Variants in AFG2A observed in about 807,000 individuals in gnomAD.
The protein encoded by AFG2A is ATPase family gene 2 protein homolog A.
the AFG2A span, among the ~76,000 whole-genome samples, chr4:123,282,995 CTG>C: frequency 8.9e-4 from 136 of 152,178 alleles, 1 homozygote; most frequent in Middle Eastern, 3.4e-3. Context: ...TTCACAAAAA[CTG>C]TGAATATAAG....
the AFG2A span, among the ~76,000 whole-genome samples, chr4:123,276,110 A>G: frequency 6.6e-6 from 1 of 152,210 alleles, no homozygotes; most frequent in Admixed American, 6.5e-5. Flanking sequence ...CCAGTAGTGT[A>G]TAATCATTCC....
At chr4:123,147,010 T>C in the AFG2A span, among the ~76,000 whole-genome samples, 12 of 152,216 alleles carry the variant, frequency 7.9e-5, no homozygotes, top group Non-Finnish European at 1.6e-4. Context: ...TTCCTTCCTT[T>C]ATACTGGAAA....
chr4:123,206,160 A>T, the AFG2A span, among the ~76,000 whole-genome samples: 1 of 152,028 alleles, frequency 6.6e-6, no homozygotes, highest in Non-Finnish European at 1.5e-5. Flanking sequence ...ACATGATCAG[A>T]CCTTTCTACC....
chr4:123,156,726 A>G, the AFG2A span, among the ~76,000 whole-genome samples: 53 of 150,948 alleles, frequency 3.5e-4, no homozygotes, highest in Admixed American at 3.4e-3. Context: ...TGCCCTCCAA[A>G]GGCTTTATGT....
chr4:122,923,119 C>T, the AFG2A span: 1 of 1,613,416 alleles, frequency 6.2e-7, no homozygotes, highest in South Asian at 1.1e-5. Context: ...TTTTCTACTG[C>T]TTCGGCTAGG....
the AFG2A span, among the ~76,000 whole-genome samples, chr4:122,994,555 A>G: frequency 6.6e-6 from 1 of 152,180 alleles, no homozygotes; most frequent in South Asian, 2.1e-4. Flanking sequence ...TTTATGTAGC[A>G]TTTTAGGTTG....
At chr4:122,979,220 C>G in the AFG2A span, 1 of 1,609,840 alleles carries the variant, frequency 6.2e-7, no homozygotes, top group Non-Finnish European at 8.5e-7. Context: ...TGTTACTTTC[C>G]TCTCTTTATA....
At chr4:123,111,510 C>A in the AFG2A span, among the ~76,000 whole-genome samples, 48 of 152,196 alleles carry the variant, frequency 3.2e-4, no homozygotes, top group African/African-American at 1.1e-3. Context: ...TTGAGAGATT[C>A]AAGTTTTGTA....
At chr4:123,302,769 C>T in the AFG2A span, among the ~76,000 whole-genome samples, 18 of 152,130 alleles carry the variant, frequency 1.2e-4, no homozygotes, top group African/African-American at 3.9e-4. Flanking sequence ...AAAGTACAGG[C>T]ACCTATGGGA....
At chr4:122,935,664 A>G in the AFG2A span, 7 of 1,487,448 alleles carry the variant, frequency 4.7e-6, no homozygotes, top group South Asian at 4.5e-5. Flanking sequence ...GACAACATTT[A>G]TAAGAAACCT....
chr4:123,215,240 A>G, the AFG2A span, among the ~76,000 whole-genome samples: 2 of 152,124 alleles, frequency 1.3e-5, no homozygotes, highest in African/African-American at 2.4e-5. Flanking sequence ...CAAAATTGAC[A>G]TAACAGATTT....
chr4:123,241,919 C>G, the AFG2A span, among the ~76,000 whole-genome samples: 1 of 152,176 alleles, frequency 6.6e-6, no homozygotes, highest in South Asian at 2.1e-4. Context: ...TGCTGATAAG[C>G]AACTTCAGCA....
the AFG2A span, among the ~76,000 whole-genome samples, chr4:123,186,601 A>G: frequency 6.6e-6 from 1 of 152,186 alleles, no homozygotes; most frequent in Admixed American, 6.5e-5. Context: ...TAAATTTGAA[A>G]TGTAGTTGGA....
the AFG2A span, among the ~76,000 whole-genome samples, chr4:123,116,469 A>G: frequency 6.6e-6 from 1 of 152,222 alleles, no homozygotes; most frequent in Non-Finnish European, 1.5e-5. Context: ...TGATACTGGC[A>G]TCCAGTGGGT....
At chr4:123,027,354 T>C in the AFG2A span, among the ~76,000 whole-genome samples, 1 of 152,180 alleles carries the variant, frequency 6.6e-6, no homozygotes, top group Non-Finnish European at 1.5e-5. Context: ...CTTTTCCTTT[T>C]TATACTTCTT....
At chr4:123,001,790 G>A in the AFG2A span, among the ~76,000 whole-genome samples, 1 of 152,082 alleles carries the variant, frequency 6.6e-6, no homozygotes, top group South Asian at 2.1e-4. Flanking sequence ...GTTGATTTGG[G>A]GTGGAGAGTT....
chr4:123,310,000 G>A, the AFG2A span, among the ~76,000 whole-genome samples: 1 of 152,220 alleles, frequency 6.6e-6, no homozygotes, highest in African/African-American at 2.4e-5. Flanking sequence ...TCATACCACA[G>A]TAAGTGGCTC....
chr4:123,125,457 G>C, the AFG2A span, among the ~76,000 whole-genome samples: 3 of 152,060 alleles, frequency 2.0e-5, no homozygotes, highest in African/African-American at 7.2e-5. Flanking sequence ...AAAGTTAATT[G>C]TTCCATCTAG....
the AFG2A span, among the ~76,000 whole-genome samples, chr4:123,139,182 G>A: frequency 6.6e-6 from 1 of 152,074 alleles, no homozygotes; most frequent in Non-Finnish European, 1.5e-5. Flanking sequence ...TACATAGAGT[G>A]AAAATACTTT....
Sources: allele counts gnomAD v4.1 joint callset (sites outside exome capture counted in the v4.1 genomes callset), GRCh38; gene constraint gnomAD v4.1.1; transcripts MANE v1.5; gene names NCBI Gene and HGNC (gene_info 2026-07-23, HGNC 2026-07-21).